CPQ: variants seen among roughly 807,000 people sequenced by gnomAD.
CPQ encodes carboxypeptidase Q.
In CPQ, 37 loss-of-function variants were observed where a neutral mutation model predicts 45.7. That is an observed-to-expected ratio of 0.81 (90% CI 0.62 to 1.07). The LOEUF (loss-of-function observed/expected upper bound fraction) is 1.07, where lower values mean the gene tolerates loss of function less well. Among genes scored for constraint, CPQ ranks in the 50% least tolerant of loss-of-function variants. The pLI is 0.00. For missense variants in CPQ, 537 were observed against 572.9 expected (o/e 0.94, Z 0.64); for synonymous variants, 186 against 205.8 (o/e 0.90, Z 0.82).
chr8:97,142,960 G>A, intron 7 of CPQ, 60 bp from the exon 8 acceptor site: 1 of 1,527,170 alleles, frequency 6.5e-7, no homozygotes, highest in African/African-American at 1.4e-5. Context: ...GGGGAGAGGT[G>A]TGTATTCAGC....
intron 6 of CPQ, among the ~76,000 whole-genome samples, chr8:97,048,524 A>G (rs1437331880): frequency 6.6e-6 from 1 of 152,210 alleles, no homozygotes; most frequent in African/African-American, 2.4e-5. Context: ...TTCAGGAGAT[A>G]AAACTATTTG....
intron 6 of CPQ, among the ~76,000 whole-genome samples, chr8:97,046,858 A>T (rs761982480): frequency 2.0e-5 from 3 of 152,230 alleles, no homozygotes; most frequent in Non-Finnish European, 4.4e-5. Flanking sequence ...CTGTTTTGTC[A>T]TTTGAATTAG....
At chr8:96,872,150 T>C (rs985662435) in intron 3 of CPQ, among the ~76,000 whole-genome samples, 2 of 151,962 alleles carry the variant, frequency 1.3e-5, no homozygotes, top group Non-Finnish European at 2.9e-5. Flanking sequence ...TACATGTACA[T>C]AATGAGATAT....
chr8:97,009,034 C>T (rs909729132), intron 5 of CPQ, among the ~76,000 whole-genome samples: 4 of 152,248 alleles, frequency 2.6e-5, no homozygotes, highest in Admixed American at 6.5e-5. Flanking sequence ...ATGGGCCACC[C>T]TGTCTGTGCC....
chr8:96,949,428 G>C (rs1348135361), intron 4 of CPQ, among the ~76,000 whole-genome samples: 1 of 151,672 alleles, frequency 6.6e-6, no homozygotes, highest in Non-Finnish European at 1.5e-5. Flanking sequence ...TTTCCTTGAG[G>C]TTTTGTGATC....
chr8:96,831,723 G>T (rs1023679466), intron 2 of CPQ, among the ~76,000 whole-genome samples: 6 of 152,070 alleles, frequency 3.9e-5, no homozygotes, highest in Non-Finnish European at 8.8e-5. Flanking sequence ...GTGACTGCTG[G>T]AGGAGGTCAT....
At chr8:96,826,930 C>T (rs367810626) in intron 2 of CPQ, among the ~76,000 whole-genome samples, 1 of 151,988 alleles carries the variant, frequency 6.6e-6, no homozygotes, top group Non-Finnish European at 1.5e-5. Context: ...GCTTCCAGCT[C>T]CACCCATGAC....
intron 2 of CPQ, among the ~76,000 whole-genome samples, chr8:96,834,367 A>C (rs1811497585): frequency 6.6e-6 from 1 of 152,184 alleles, no homozygotes; most frequent in South Asian, 2.1e-4. Context: ...AAGCATGGGA[A>C]GTTTCCACTC....
intron 2 of CPQ, among the ~76,000 whole-genome samples, chr8:96,815,478 A>G (rs141639363): frequency 6.6e-6 from 1 of 151,992 alleles, no homozygotes; most frequent in African/African-American, 2.4e-5. Flanking sequence ...GTCAGACCTG[A>G]GGAAAGCAGA....
chr8:96,697,666 A>G (rs1466803567), intron 1 of CPQ, among the ~76,000 whole-genome samples: 2 of 152,184 alleles, frequency 1.3e-5, no homozygotes, highest in African/African-American at 4.8e-5. Context: ...GTAAGGTGGC[A>G]GGATACAAAA....
intron 6 of CPQ, among the ~76,000 whole-genome samples, chr8:97,043,648 T>C (rs985361101): frequency 6.6e-6 from 1 of 152,218 alleles, no homozygotes; most frequent in Non-Finnish European, 1.5e-5. Context: ...CCATGTTTAG[T>C]GCTTCCTTCA....
At chr8:96,894,945 C>T (rs1047654868) in intron 4 of CPQ, among the ~76,000 whole-genome samples, 1 of 152,172 alleles carries the variant, frequency 6.6e-6, no homozygotes, top group Non-Finnish European at 1.5e-5. Context: ...TTTTACTTGG[C>T]ATCATGCTAA....
In CPQ at chr8:96,855,619, A is replaced by C. The variant is rs551256528; in HGVS notation, c.641+20439A>C. The stretch of plus-strand genomic sequence containing the variant: ...CGCTCTCATTTATTCATTCACGAAA[A>C]TGTATCAGGCCTACCCTGTGAAAGG... On this transcript the variant is annotated intron_variant, in intron 3 of 7. Transcript: ENST00000220763. Among the ~76,000 whole-genome samples the C allele has an allele frequency of 2.0e-5, 3 of 152,306 alleles. No individual in the cohort carries two copies. The South Asian group carries it at 6.2e-4, about 32-fold the overall frequency.
chr8:96,816,893 T>C (rs990012123), intron 2 of CPQ, among the ~76,000 whole-genome samples: 1 of 152,166 alleles, frequency 6.6e-6, no homozygotes, highest in African/African-American at 2.4e-5. Context: ...ATCTGTTCTA[T>C]AAACAGATAC....
intron 1 of CPQ, among the ~76,000 whole-genome samples, chr8:96,774,014 T>A (rs1472527786): frequency 6.6e-6 from 1 of 152,144 alleles, no homozygotes; most frequent in Non-Finnish European, 1.5e-5. Context: ...CTCAGACCTC[T>A]AATCACAGCA....
At chr8:97,077,251 G>A (rs941525249) in intron 7 of CPQ, among the ~76,000 whole-genome samples, 28 of 152,164 alleles carry the variant, frequency 1.8e-4, no homozygotes, top group African/African-American at 6.5e-4. Context: ...TATGGTGTTA[G>A]TCAAGGTCTA....
intron 1 of CPQ, among the ~76,000 whole-genome samples, chr8:96,764,755 T>C (rs938262481): frequency 6.6e-6 from 1 of 152,176 alleles, no homozygotes; most frequent in Non-Finnish European, 1.5e-5. Flanking sequence ...AAGTATCTAA[T>C]TCAGACAGGG....
chr8:96,708,443 A>G (rs998289701), intron 1 of CPQ, among the ~76,000 whole-genome samples: 34 of 150,936 alleles, frequency 2.3e-4, no homozygotes, highest in Non-Finnish European at 3.8e-4. Context: ...GTGTGTATAT[A>G]TATATATATA....
chr8:96,686,481 T>G (rs1013357277), intron 1 of CPQ, among the ~76,000 whole-genome samples: 2 of 151,978 alleles, frequency 1.3e-5, no homozygotes, highest in African/African-American at 4.8e-5. Flanking sequence ...CTTTTTATTA[T>G]TAACATGGTA....
Sources: gnomAD v4.1 joint callset for allele counts (sites outside exome capture counted in the v4.1 genomes callset) on GRCh38, gnomAD v4.1.1 for gene constraint, MANE v1.5 for transcripts, NCBI Gene and HGNC (gene_info 2026-07-23, HGNC 2026-07-21) for gene names.